The following UBE2W variants were observed in gnomAD, a reference collection of about 807,000 sequenced individuals.
UBE2W encodes the protein ubiquitin-conjugating enzyme E2 W.
In UBE2W, 18 loss-of-function variants were observed where a neutral mutation model predicts 27.2. That is an observed-to-expected ratio of 0.66 (90% CI 0.46 to 0.98). The LOEUF (loss-of-function observed/expected upper bound fraction) is 0.98. Among genes scored for constraint, UBE2W ranks in the 50% least tolerant of loss-of-function variants. UBE2W has a pLI of 0.00. For missense variants in UBE2W, 90 were observed against 180.2 expected (o/e 0.50, Z 2.87); for synonymous variants, 53 against 57.2 (o/e 0.93, Z 0.33).
chr8:73,858,701 AGC>A (rs1419200847), intron 1 of UBE2W, among the ~76,000 whole-genome samples: 1 of 131,314 alleles, frequency 7.6e-6, no homozygotes, highest in Non-Finnish European at 1.6e-5. Flanking sequence ...AAAAAAAAAA[AGC>A]AGCAGCTAGT....
At chr8:73,844,428 CAG>C (rs1013875034) in intron 1 of UBE2W, among the ~76,000 whole-genome samples, 4 of 152,232 alleles carry the variant, frequency 2.6e-5, no homozygotes, top group African/African-American at 9.6e-5. Context: ...GGATTGCAGA[CAG>C]AGTCTCACTC....
At chr8:73,844,392 G>C (rs2130934042) in intron 1 of UBE2W, among the ~76,000 whole-genome samples, 1 of 152,330 alleles carries the variant, frequency 6.6e-6, no homozygotes, top group African/African-American at 2.4e-5. Flanking sequence ...TGAGTGATCT[G>C]CCAGCCTCGG....
At chr8:73,857,813 G>A (rs534278364) in intron 1 of UBE2W, among the ~76,000 whole-genome samples, 8 of 151,404 alleles carry the variant, frequency 5.3e-5, no homozygotes, top group South Asian at 4.2e-4. Context: ...GAGACTCCCC[G>A]TCTTAAAAAA....
At chr8:73,810,402 T>C (rs1420492956) in intron 4 of UBE2W, 72 bp downstream of exon 4, 1 of 1,366,910 alleles carries the variant, frequency 7.3e-7, no homozygotes, top group Non-Finnish European at 9.9e-7. Context: ...TAAAAATAAT[T>C]ACATATTAAA....
intron 1 of UBE2W, among the ~76,000 whole-genome samples, chr8:73,874,149 C>T (rs562611441): frequency 9.2e-5 from 14 of 152,198 alleles, no homozygotes; most frequent in Admixed American, 5.2e-4. Context: ...TTTAAAAACA[C>T]GGCCGGGCGC....
At chr8:73,869,816 T>C (rs1255456736) in intron 1 of UBE2W, among the ~76,000 whole-genome samples, 1 of 151,976 alleles carries the variant, frequency 6.6e-6, no homozygotes, top group African/African-American at 2.4e-5. Flanking sequence ...GTGAGCCTAT[T>C]GTGCCACTGC....
At chr8:73,818,366 C>T (rs759264888) in intron 3 of UBE2W, among the ~76,000 whole-genome samples, 2 of 152,214 alleles carry the variant, frequency 1.3e-5, no homozygotes, top group African/African-American at 2.4e-5. Context: ...GTTACTTTAA[C>T]GGCCTATCTG....
intron 3 of UBE2W, among the ~76,000 whole-genome samples, chr8:73,821,837 C>CA (rs1222150004): frequency 1.3e-5 from 2 of 152,024 alleles, no homozygotes; most frequent in South Asian, 2.1e-4. Flanking sequence ...CCCATCTCTA[C>CA]AAAAAATATA....
intron 5 of UBE2W, among the ~76,000 whole-genome samples, chr8:73,795,048 A>G (rs1808357620): frequency 6.6e-6 from 1 of 152,136 alleles, no homozygotes; most frequent in African/African-American, 2.4e-5. Flanking sequence ...AACATATCTG[A>G]AAGATTTATT....
rs559697858 is a variant in UBE2W, at chr8:73,787,794, A to C, written c.*6308T>G. ...CTTAGAGTATGCCCTTAATTGTACA[A>C]CTTGAAGTTCAGGAACATCGGACTC... On this transcript the variant is annotated 3_prime_UTR_variant, in exon 6 of 6. Transcript: ENST00000602593. The C allele has an allele frequency of 3.0e-6, 3 of 985,286 alleles. No individual in the cohort carries two copies. Among genetic ancestry groups the C allele is most frequent in the African/African-American group, 1.7e-5 (1 of 57,228 alleles). The allele number at this position is 985,286 out of a possible 1,614,324, so 61.0% of individuals were successfully genotyped here.
In UBE2W at chr8:73,793,103, T is replaced by C. The variant is rs1330661827; in HGVS notation, c.*999A>G. The C allele has an allele frequency of 2.0e-5, 20 of 985,672 alleles. No homozygotes were observed. Among genetic ancestry groups the C allele is most frequent in the Non-Finnish European group, 2.4e-5 (20 of 829,890 alleles). The allele number at this position is 985,672 out of a possible 1,614,324, so 61.1% of individuals were successfully genotyped here. ...AAGTATTGTAACATTCAAACTTGAC[T>C]TATAACAAAAGAAACAAGATTGCAA... On this transcript the variant is annotated 3_prime_UTR_variant, in exon 6 of 6. Coordinates refer to ENST00000602593, the MANE Select transcript of UBE2W (RefSeq NM_018299.6).
intron 1 of UBE2W, among the ~76,000 whole-genome samples, chr8:73,862,507 A>C (rs1187015989): frequency 6.6e-6 from 1 of 151,830 alleles, no homozygotes; most frequent in East Asian, 1.9e-4. Context: ...CATTCAGGAC[A>C]TAGGCATGGG....
At chr8:73,872,610 A>G (rs1467275606) in intron 1 of UBE2W, among the ~76,000 whole-genome samples, 1 of 152,230 alleles carries the variant, frequency 6.6e-6, no homozygotes, top group Admixed American at 6.5e-5. Flanking sequence ...GAGTAGTGAA[A>G]CTAAGCTCTG....
At chr8:73,843,168 T>A (rs1418219343) in intron 1 of UBE2W, among the ~76,000 whole-genome samples, 1 of 152,136 alleles carries the variant, frequency 6.6e-6, no homozygotes, top group Non-Finnish European at 1.5e-5. Flanking sequence ...TGCCAGGGGC[T>A]GGGGAAAGGA....
At chr8:73,866,300 T>A (rs1367659727) in intron 1 of UBE2W, among the ~76,000 whole-genome samples, 35 of 125,082 alleles carry the variant, frequency 2.8e-4, no homozygotes, top group African/African-American at 1.0e-3. Flanking sequence ...AATATATATA[T>A]ATATATATAT....
At chr8:73,856,292 C>T (rs990689231) in intron 1 of UBE2W, among the ~76,000 whole-genome samples, 25 of 152,020 alleles carry the variant, frequency 1.6e-4, no homozygotes, top group Admixed American at 4.6e-4. Context: ...GTAAACAACT[C>T]CCCCCTCCCC....
At chr8:73,798,593 T>C (rs1808515395) in intron 5 of UBE2W, among the ~76,000 whole-genome samples, 1 of 152,162 alleles carries the variant, frequency 6.6e-6, no homozygotes. Context: ...AGCAAATCAT[T>C]TATGAAACTA....
rs2130908378 is a variant in UBE2W, at chr8:73,830,407, C to T, written c.81G>A (p.Glu27=). ...NDPPPGMTLN[E]KSVQNSITQW... ...GTGTAATTGAATTTTGAACACTCTT[C>T]TCATTTAAGGTCATTCCAGGAGGTG... Residue 27 remains glutamate, a synonymous_variant, in exon 2 of 6, where the codon GAG becomes GAA. Transcript: ENST00000602593. 1 of 1,613,436 alleles carries T rather than the reference C, an allele frequency of 6.2e-7. No individual in the cohort carries two copies. The highest frequency in any genetic ancestry group is 8.5e-7 in the Non-Finnish European group (1 of 1,179,572).
chr8:73,820,257 A>C (rs899990109), intron 3 of UBE2W, among the ~76,000 whole-genome samples: 1 of 152,208 alleles, frequency 6.6e-6, no homozygotes, highest in African/African-American at 2.4e-5. Flanking sequence ...AAAATCTTGA[A>C]GTCTATAAGC....
Sources: gnomAD v4.1 joint callset for allele counts (sites outside exome capture counted in the v4.1 genomes callset) on GRCh38, gnomAD v4.1.1 for gene constraint, MANE v1.5 for transcripts, NCBI Gene and HGNC (gene_info 2026-07-23, HGNC 2026-07-21) for gene names.